The following LMAN2L variants were observed in gnomAD, a reference collection of about 807,000 sequenced individuals.
The protein encoded by LMAN2L is lectin, mannose binding 2 like.
A neutral mutation model predicts 44.3 loss-of-function variants in LMAN2L; 30 were observed. The observed-to-expected ratio is 0.68, with a 90% confidence interval of 0.51 to 0.92. The LOEUF is 0.92. Among genes scored for constraint, LMAN2L ranks in the 40% least tolerant of loss-of-function variants. The pLI is 0.00. For missense variants in LMAN2L, 429 were observed against 446.1 expected (o/e 0.96, Z 0.35); for synonymous variants, 183 against 171.1 (o/e 1.07, Z -0.54).
At chr2:96,723,772 C>G (rs895805765) in intron 4 of LMAN2L, among the ~76,000 whole-genome samples, 3 of 152,082 alleles carry the variant, frequency 2.0e-5, no homozygotes, top group African/African-American at 7.2e-5. Context: ...TGATTCTTTC[C>G]CCATTGAATT....
chr2:96,733,621 G>T lies in LMAN2L; in HGVS notation c.425-20C>A. The T allele has an allele frequency of 6.4e-7, 1 of 1,574,392 alleles. No individual in the cohort carries two copies. Among genetic ancestry groups the T allele is most frequent in the Non-Finnish European group, 8.7e-7 (1 of 1,144,402 alleles). On this transcript the variant is annotated intron_variant, in intron 3 of 7. Coordinates refer to ENST00000264963, the MANE Select transcript of LMAN2L (RefSeq NM_030805.4). ...CAGGCCCTAGAGAGAGAGAACAGAT[G>T]ATGAACAATGAAATAAAGCTAAGAG...
chr2:96,722,976 C>A (rs544339848), intron 4 of LMAN2L, among the ~76,000 whole-genome samples: 1 of 151,900 alleles, frequency 6.6e-6, no homozygotes, highest in Non-Finnish European at 1.5e-5. Context: ...GCTGAGATCA[C>A]GCCACTGCAC....
At chr2:96,717,534 A>G (rs1159544181) in intron 4 of LMAN2L, among the ~76,000 whole-genome samples, 3 of 43,624 alleles carry the variant, frequency 6.9e-5, no homozygotes, top group African/African-American at 3.8e-4. Context: ...CCTGTGTCGG[A>G]AAAAAAAAAA....
rs373872984 is a variant in LMAN2L at position 96,707,751 on chromosome 2, C to T, written c.867G>A (p.Val289=). 2.9e-4 allele frequency: 463 copies of T among 1,614,148 alleles called. 4 individuals are homozygous for T. In the South Asian group the frequency reaches 4.9e-3, roughly 17 times the overall value. ...TCATATTGTCCACTGAGGGCAAGAA[C>T]ACATCTCGATGGAGCTTTTCCTCTT... ...TPEEEKLHRD[V]FLPSVDNMKL... Residue 289 remains valine, a synonymous_variant, in exon 7 of 8, where the codon GTG becomes GTA. Transcript: ENST00000264963.
intron 5 of LMAN2L, 46 bp from the exon 6 acceptor site, chr2:96,711,816 G>C: frequency 6.2e-7 from 1 of 1,612,958 alleles, no homozygotes; most frequent in Non-Finnish European, 8.5e-7. Flanking sequence ...ATGGGAGCAA[G>C]AGCGACACAG....
rs145223069 is a variant in LMAN2L, at chr2:96,707,327, C to T, written c.976G>A (p.Val326Ile). 72 of 1,613,930 alleles carry T rather than the reference C, an allele frequency of 4.5e-5. 1 individual carries two copies. The highest frequency in any genetic ancestry group is 5.9e-5 in the Non-Finnish European group (70 of 1,179,978). The change falls in exon 8 of 8, where the codon GTA becomes ATA. Residue 326 changes from valine to isoleucine, a missense_variant. Transcript: ENST00000264963. ...ATGATACCAATGACTATGGCAAATA[C>T]AGAAAACACCAGGGAGAAAAAGACG... ...LIVFFSLVFS[V>I]FAIVIGIILY... is the part of the protein sequence containing the mutation.
At chr2:96,714,360 T>G (rs553818818) in intron 4 of LMAN2L, among the ~76,000 whole-genome samples, 15 of 152,334 alleles carry the variant, frequency 9.8e-5, no homozygotes, top group Non-Finnish European at 1.5e-4. Flanking sequence ...CTGGGCTCCA[T>G]GGGCCACAGC....
rs756563694 is a variant in LMAN2L, at chr2:96,712,038, G to A, written c.508-13C>T. ...AGGGGAATACCCGCTGGAAAGCAGA[G>A]AGGGGGAAGCAGACACTAAGGAAGA... On this transcript the variant is annotated splice_polypyrimidine_tract_variant and intron_variant, in intron 4 of 7. Transcript: ENST00000264963. 8.1e-6 allele frequency: 13 copies of A among 1,613,980 alleles called. No individual in the cohort carries two copies. The highest frequency in any genetic ancestry group is 1.1e-5 in the Non-Finnish European group (13 of 1,179,886).
chr2:96,733,641 T>G, intron 3 of LMAN2L, 40 bp from the exon 4 acceptor site: 1 of 1,491,644 alleles, frequency 6.7e-7, no homozygotes, highest in East Asian at 2.3e-5. Context: ...GAAATAAAGC[T>G]AAGAGTTGAT....
chr2:96,722,128 C>G (rs1293502784), intron 4 of LMAN2L, among the ~76,000 whole-genome samples: 1 of 151,888 alleles, frequency 6.6e-6, no homozygotes, highest in African/African-American at 2.4e-5. Flanking sequence ...CCACCACGCC[C>G]GGCTAATTTT....
chr2:96,708,516 C>A (rs764105076), intron 6 of LMAN2L, among the ~76,000 whole-genome samples: 5 of 152,292 alleles, frequency 3.3e-5, no homozygotes, highest in Non-Finnish European at 5.9e-5. Flanking sequence ...TATGTCAAGA[C>A]GCATCTGTAT....
At chr2:96,725,588 G>A (rs1018351502) in intron 4 of LMAN2L, among the ~76,000 whole-genome samples, 8 of 150,930 alleles carry the variant, frequency 5.3e-5, no homozygotes, top group South Asian at 2.1e-4. Context: ...GACTACAGGC[G>A]CCCGCCACCA....
chr2:96,734,326 T>C (rs2078467852), intron 3 of LMAN2L, 83 bp downstream of exon 3: 2 of 847,568 alleles, frequency 2.4e-6, no homozygotes, highest in Admixed American at 3.4e-5. Flanking sequence ...GCTGGCACTG[T>C]GGGGAAGGAA....
intron 4 of LMAN2L, among the ~76,000 whole-genome samples, chr2:96,712,434 G>A (rs1573999196): frequency 1.3e-5 from 2 of 152,106 alleles, no homozygotes; most frequent in South Asian, 2.1e-4. Flanking sequence ...CATTCATCAC[G>A]TCTTCATATG....
chr2:96,706,343 T>G lies in LMAN2L; in HGVS notation c.*913A>C, dbSNP rs2077778674. ...AAATCGTAACTACAAAACATGCAGC[T>G]AAGCAGGCTCTAGCAAGTCCAGAAA... On this transcript the variant is annotated 3_prime_UTR_variant, in exon 8 of 8. Coordinates refer to ENST00000264963, the MANE Select transcript of LMAN2L (RefSeq NM_030805.4). 1 of 152,238 alleles carries G rather than the reference T, an allele frequency of 6.6e-6. No individual in the cohort carries two copies. The highest frequency in any genetic ancestry group is 2.4e-5 in the African/African-American group (1 of 41,460). The allele number at this position is 152,238 out of a possible 1,614,324, so 9.4% of individuals were successfully genotyped here.
At chr2:96,722,472 A>G (rs989897900) in intron 4 of LMAN2L, among the ~76,000 whole-genome samples, 1 of 151,990 alleles carries the variant, frequency 6.6e-6, no homozygotes, top group African/African-American at 2.4e-5. Context: ...TGCTCAGTTC[A>G]TAAGAGGGCT....
intron 4 of LMAN2L, among the ~76,000 whole-genome samples, chr2:96,730,512 G>A (rs145757470): frequency 5.9e-5 from 9 of 152,236 alleles, no homozygotes; most frequent in African/African-American, 1.9e-4. Flanking sequence ...GTCAGTCTCA[G>A]CGGCTAGTTA....
chr2:96,725,148 C>T (rs1574016330), intron 4 of LMAN2L, among the ~76,000 whole-genome samples: 2 of 152,086 alleles, frequency 1.3e-5, no homozygotes, highest in African/African-American at 2.4e-5. Context: ...TTAATAGAGA[C>T]GGGGTTTCAC....
intron 4 of LMAN2L, among the ~76,000 whole-genome samples, chr2:96,722,400 G>A (rs966231886): frequency 1.3e-5 from 2 of 151,724 alleles, no homozygotes; most frequent in African/African-American, 2.4e-5. Context: ...TGGGGGTGAT[G>A]GGAGACAGTG....
Sources: gnomAD v4.1 joint callset for allele counts (sites outside exome capture counted in the v4.1 genomes callset) on GRCh38, gnomAD v4.1.1 for gene constraint, MANE v1.5 for transcripts, NCBI Gene and HGNC (gene_info 2026-07-23, HGNC 2026-07-21) for gene names.